The following SUMF1 variants were observed in gnomAD, a reference collection of about 807,000 sequenced individuals.
SUMF1 encodes the protein formylglycine-generating enzyme.
Under a neutral mutation model 47.6 loss-of-function variants are expected in SUMF1, and 48 were observed. That is an observed-to-expected ratio of 1.01 (90% CI 0.80 to 1.28). The LOEUF (loss-of-function observed/expected upper bound fraction) is 1.28, where lower values mean the gene tolerates loss of function less well. Ranked by LOEUF, SUMF1 falls within the 50% of genes most tolerant of loss-of-function variation. The pLI is 0.00. For synonymous variants in SUMF1, 230 were observed against 192.1 expected (o/e 1.20, Z -1.63); for missense variants, 571 against 485.4 (o/e 1.18, Z -1.66).
intron 8 of SUMF1, among the ~76,000 whole-genome samples, chr3:4,344,072 G>A (rs1205796915): frequency 1.3e-5 from 2 of 152,178 alleles, no homozygotes; most frequent in Admixed American, 1.3e-4. Flanking sequence ...TGATTGACAG[G>A]CCAAGATGAC....
intron 8 of SUMF1, among the ~76,000 whole-genome samples, chr3:4,277,654 T>G (rs940589592): frequency 1.3e-5 from 2 of 152,132 alleles, no homozygotes; most frequent in African/African-American, 4.8e-5. Flanking sequence ...TCAGAAGAAC[T>G]GGCATAAATG....
intron 8 of SUMF1, among the ~76,000 whole-genome samples, chr3:4,149,650 G>A (rs970272202): frequency 6.6e-6 from 1 of 152,162 alleles, no homozygotes; most frequent in Non-Finnish European, 1.5e-5. Context: ...CAAACAGGAA[G>A]CAACCATCCC....
intron 3 of SUMF1, among the ~76,000 whole-genome samples, chr3:4,440,592 T>A (rs930675751): frequency 1.2e-4 from 18 of 152,224 alleles, no homozygotes; most frequent in African/African-American, 4.3e-4. Context: ...CCCAGTCCAG[T>A]GTCATCCAAA....
rs553064394 is a variant in SUMF1, at chr3:4,430,838, G to A, written c.520-10692C>T. On this transcript the variant is annotated intron_variant, in intron 3 of 8. Transcript: ENST00000272902. ...TTCCTGCGGGAGGTAAGAAGGAGGA[G>A]CAAGTAAGGCAGGGCAGGAGTGGGA... is the stretch of plus-strand genomic sequence containing the variant. Among the ~76,000 whole-genome samples the A allele has an allele frequency of 2.6e-5, 4 of 152,124 alleles. No homozygotes were observed. In the South Asian group the frequency reaches 8.3e-4, roughly 32 times the overall value.
At chr3:4,442,107 G>A (rs34923706) in intron 3 of SUMF1, among the ~76,000 whole-genome samples, 9 of 152,276 alleles carry the variant, frequency 5.9e-5, no homozygotes, top group Non-Finnish European at 1.2e-4. Context: ...TCCCAAAAGA[G>A]CCAACAGGCA....
intron 8 of SUMF1, among the ~76,000 whole-genome samples, chr3:4,255,163 C>G (rs1455591128): frequency 2.0e-5 from 3 of 147,612 alleles, no homozygotes; most frequent in Non-Finnish European, 4.5e-5. Flanking sequence ...CAAAATCATG[C>G]CAAATTGTAA....
chr3:4,433,382 GT>G (rs1342618196), intron 3 of SUMF1, among the ~76,000 whole-genome samples: 1 of 152,192 alleles, frequency 6.6e-6, no homozygotes, highest in East Asian at 1.9e-4. Flanking sequence ...TGTGTGCCCT[GT>G]TATCCTATTA....
At position 4,108,159 on chromosome 3, in the gene SUMF1, A is replaced by C. The variant is rs149561377; in HGVS notation, c.1015-39414T>G. ...CTCATTAGTTTCAAAGAACATCTTTATTTCTGCCTTCATTTCGTTATGTAC... is the reference window on the plus strand; with the variant it reads ...CTCATTAGTTTCAAAGAACATCTTTCTTTCTGCCTTCATTTCGTTATGTAC... On this transcript the variant is annotated intron_variant and NMD_transcript_variant, in intron 8 of 12. Transcript: ENST00000448413. Among the ~76,000 whole-genome samples, 399 of 152,230 alleles carry C rather than the reference A, an allele frequency of 2.6e-3. 2 individuals are homozygous for C. The highest frequency in any genetic ancestry group is 8.1e-3 in the African/African-American group (338 of 41,508).
chr3:4,319,233 G>T (rs1162615745), intron 8 of SUMF1, among the ~76,000 whole-genome samples: 2 of 152,190 alleles, frequency 1.3e-5, no homozygotes, highest in Admixed American at 1.3e-4. Flanking sequence ...CCTTAGCATT[G>T]ATCCAGCAAT....
In SUMF1 at chr3:4,376,389, T is replaced by C. The variant is rs2124845551; in HGVS notation, c.955A>G (p.Lys319Glu). ...CGGTCTTTCCCAGAAGGGGGACCTT[T>C]CTACAGATGAAGAAAAAAGGCTATG... ...HHSVEETLNP[K>E]GPPSGKDRVK... Residue 319 changes from lysine (K) to glutamate (E), a missense_variant and splice_region_variant, in exon 8 of 9, where the codon AAA becomes GAA. By Grantham distance (56) the Lys-to-Glu change is moderately conservative. Coordinates refer to ENST00000272902, the MANE Select transcript of SUMF1 (RefSeq NM_182760.4). 3.7e-6 allele frequency: 6 copies of C among 1,614,142 alleles called. No individual in the cohort carries two copies. The highest frequency in any genetic ancestry group is 5.1e-6 in the Non-Finnish European group (6 of 1,179,992).
At chr3:4,112,377 T>G (rs1246684766) in intron 8 of SUMF1, among the ~76,000 whole-genome samples, 1 of 152,164 alleles carries the variant, frequency 6.6e-6, no homozygotes, top group East Asian at 1.9e-4. Flanking sequence ...CATTACTTAG[T>G]GTACCTGGTC....
chr3:4,309,014 A>C (rs1281178852), intron 8 of SUMF1, among the ~76,000 whole-genome samples: 2 of 152,214 alleles, frequency 1.3e-5, no homozygotes, highest in African/African-American at 4.8e-5. Flanking sequence ...TGTAAAACGT[A>C]CATTGGTTCA....
At chr3:4,374,000 ACT>A (rs1700247621) in intron 8 of SUMF1, among the ~76,000 whole-genome samples, 1 of 151,694 alleles carries the variant, frequency 6.6e-6, no homozygotes, top group Non-Finnish European at 1.5e-5. Context: ...CTGATAAAAA[ACT>A]CTAAAAAATT....
chr3:4,043,536 C>G (rs1694947325), intron 9 of SUMF1, among the ~76,000 whole-genome samples: 1 of 152,116 alleles, frequency 6.6e-6, no homozygotes, highest in Non-Finnish European at 1.5e-5. Context: ...ATAAGCCACC[C>G]CCCATTCCTC....
chr3:4,034,724 A>G (rs1373336692), intron 9 of SUMF1, among the ~76,000 whole-genome samples: 2 of 152,036 alleles, frequency 1.3e-5, no homozygotes, highest in Non-Finnish European at 2.9e-5. Context: ...CCTGGCTCCA[A>G]GATTTCACAG....
intron 7 of SUMF1, among the ~76,000 whole-genome samples, chr3:4,396,303 A>G (rs746003089): frequency 6.6e-6 from 1 of 152,230 alleles, no homozygotes; most frequent in Non-Finnish European, 1.5e-5. Context: ...CGACTATTCT[A>G]GTTTCAGACA....
intron 8 of SUMF1, among the ~76,000 whole-genome samples, chr3:4,221,168 T>C (rs997154018): frequency 1.3e-5 from 2 of 152,132 alleles, no homozygotes; most frequent in Non-Finnish European, 2.9e-5. Flanking sequence ...TCCACCTCTT[T>C]CATCCTCCTA....
At chr3:4,162,244 T>C (rs974095822) in intron 8 of SUMF1, among the ~76,000 whole-genome samples, 8 of 152,182 alleles carry the variant, frequency 5.3e-5, no homozygotes, top group African/African-American at 1.9e-4. Flanking sequence ...AAGGAGTTTC[T>C]TTTGGAGCAG....
chr3:4,254,244 C>A (rs1049900517), intron 8 of SUMF1, among the ~76,000 whole-genome samples: 4 of 151,908 alleles, frequency 2.6e-5, no homozygotes, highest in Non-Finnish European at 5.9e-5. Flanking sequence ...TCAACAGCAA[C>A]GGAACAAAGC....
Sources: allele counts gnomAD v4.1 joint callset (sites outside exome capture counted in the v4.1 genomes callset), GRCh38; gene constraint gnomAD v4.1.1; transcripts MANE v1.5; gene names NCBI Gene and HGNC (gene_info 2026-07-23, HGNC 2026-07-21).